Variants in FAM178B observed in about 807,000 individuals in gnomAD.
FAM178B encodes protein FAM178B.
In FAM178B, 82 loss-of-function variants were observed where a neutral mutation model predicts 91.7. The ratio of observed to expected loss-of-function variants is 0.89; its 90% CI spans 0.75 to 1.07. The LOEUF is 1.07. Ranked by LOEUF, FAM178B falls within the 50% of genes least tolerant of loss-of-function variation. The probability of loss-of-function intolerance (pLI) is 0.00; values close to 1 mark genes in which losing one functional copy is unlikely to be tolerated. For missense variants in FAM178B, 769 were observed against 846.7 expected, an observed-to-expected ratio of 0.91 and a Z score of 1.14; for synonymous variants, 368 against 359.4, an observed-to-expected ratio of 1.02 and a Z score of -0.27.
At chr2:96,977,834 C>T (rs1265320073) in intron 1 of FAM178B, 1 of 456,158 alleles carries the variant, frequency 2.2e-6, no homozygotes, top group South Asian at 1.5e-5. Flanking sequence ...TGTTCTACTC[C>T]AGCGTTGACG....
chr2:96,960,287 C>T lies in FAM178B; in HGVS notation c.887+1G>A. ...CCCTCACCCCTCCTCCCCACACTTA[C>T]CTGAGGAACAGCCCTTCCAGGTGGC... On this transcript the variant is annotated splice_donor_variant, in intron 6 of 16. Coordinates refer to ENST00000490605, the MANE Select transcript of FAM178B (RefSeq NM_001122646.3). LOFTEE classifies it high-confidence loss of function. 1.3e-6 allele frequency: 2 copies of T among 1,551,678 alleles called. No individual in the cohort carries two copies. Among genetic ancestry groups the T allele is most frequent in the Non-Finnish European group, 1.7e-6 (2 of 1,146,988 alleles).
intron 6 of FAM178B, among the ~76,000 whole-genome samples, chr2:96,959,720 A>G (rs369670013): frequency 1.3e-5 from 2 of 152,200 alleles, no homozygotes; most frequent in Admixed American, 1.3e-4. Context: ...CAAGTGTTGG[A>G]TAAGGTTGTG....
chr2:96,947,579 C>T (rs1002458958), intron 8 of FAM178B, among the ~76,000 whole-genome samples: 2 of 152,224 alleles, frequency 1.3e-5, no homozygotes, highest in African/African-American at 4.8e-5. Flanking sequence ...CCTGTGAGGT[C>T]AGCCTGGCCG....
At chr2:96,889,992 T>C (rs1388595088) in intron 14 of FAM178B, among the ~76,000 whole-genome samples, 2 of 91,474 alleles carry the variant, frequency 2.2e-5, no homozygotes, top group African/African-American at 8.4e-5. Flanking sequence ...AAAAAAAAAA[T>C]TGGCTGGGCG....
At chr2:96,886,509 G>A (rs988303723) in intron 14 of FAM178B, among the ~76,000 whole-genome samples, 3 of 152,204 alleles carry the variant, frequency 2.0e-5, no homozygotes, top group African/African-American at 4.8e-5. Flanking sequence ...AGCCTGCCTG[G>A]GAAGGCGCCA....
chr2:96,950,346 G>C (rs2081904638), intron 7 of FAM178B, among the ~76,000 whole-genome samples: 1 of 152,210 alleles, frequency 6.6e-6, no homozygotes, highest in African/African-American at 2.4e-5. Context: ...GGCTGACAAG[G>C]TTAGCAGCTA....
chr2:96,921,715 G>C (rs2081343701), intron 10 of FAM178B, 61 bp from the exon 11 acceptor site: 2 of 1,494,474 alleles, frequency 1.3e-6, no homozygotes, highest in South Asian at 1.2e-5. Flanking sequence ...AGTACTTCGA[G>C]GACCAGTTCC....
At chr2:96,945,303 A>C (rs7593493) in intron 8 of FAM178B, among the ~76,000 whole-genome samples, 118,703 of 150,076 alleles carry the variant, frequency 0.79, 47,902 homozygotes, top group African/African-American at 0.9. Flanking sequence ...GTGCCCTGGG[A>C]CACTCGGGCC....
chr2:96,900,526 T>C (rs1406506201), intron 13 of FAM178B, among the ~76,000 whole-genome samples: 1 of 151,886 alleles, frequency 6.6e-6, no homozygotes, highest in Non-Finnish European at 1.5e-5. Flanking sequence ...GGGTAGGGGA[T>C]GGAAAACACA....
chr2:96,912,931 G>A (rs1239592231), intron 12 of FAM178B, among the ~76,000 whole-genome samples: 1 of 152,220 alleles, frequency 6.6e-6, no homozygotes, highest in Non-Finnish European at 1.5e-5. Flanking sequence ...AGGGTGGGCA[G>A]GATTCAGCCA....
chr2:96,934,746 C>G (rs1314216083), intron 8 of FAM178B, among the ~76,000 whole-genome samples: 1 of 152,196 alleles, frequency 6.6e-6, no homozygotes, highest in Non-Finnish European at 1.5e-5. Context: ...TTTTCCAGAT[C>G]TGCACCCACA....
chr2:96,956,026 C>T (rs1796047), intron 6 of FAM178B, among the ~76,000 whole-genome samples: 1 of 152,018 alleles, frequency 6.6e-6, no homozygotes, highest in East Asian at 1.9e-4. Context: ...CGCTGGTCCT[C>T]GCACCAACAG....
intron 8 of FAM178B, among the ~76,000 whole-genome samples, chr2:96,936,405 A>G (rs994633582): frequency 3.7e-4 from 55 of 149,934 alleles, no homozygotes; most frequent in Non-Finnish European, 5.3e-4. Context: ...GTTTCACCAT[A>G]TTAGCCAGGA....
intron 9 of FAM178B, among the ~76,000 whole-genome samples, chr2:96,928,122 C>T (rs2081476491): frequency 6.6e-6 from 1 of 152,156 alleles, no homozygotes; most frequent in Admixed American, 6.5e-5. Context: ...CTTAGGAGAG[C>T]TCCCACTTTC....
intron 14 of FAM178B, among the ~76,000 whole-genome samples, chr2:96,889,449 C>T (rs889404405): frequency 2.6e-5 from 4 of 151,560 alleles, no homozygotes; most frequent in Admixed American, 6.6e-5. Flanking sequence ...GAGGCCGAGG[C>T]AGGTGGATCA....
At chr2:96,965,685 TA>T (rs1463928675) in intron 5 of FAM178B, among the ~76,000 whole-genome samples, 1 of 152,066 alleles carries the variant, frequency 6.6e-6, no homozygotes, top group African/African-American at 2.4e-5. Context: ...GGGCTGGTCT[TA>T]AAACTCCTGG....
At chr2:96,878,591 G>C in intron 14 of FAM178B, 98 bp from the exon 15 acceptor site, 1 of 1,135,298 alleles carries the variant, frequency 8.8e-7, no homozygotes, top group Non-Finnish European at 1.3e-6. Flanking sequence ...GGCTTGGCAG[G>C]CCAGGCAGGG....
At position 96,972,318 on chromosome 2, in the gene FAM178B, C is replaced by T; in HGVS notation, c.147G>A (p.Val49=). 2.0e-6 allele frequency: 3 copies of T among 1,466,230 alleles called. No homozygotes were observed. The highest frequency in any genetic ancestry group is 1.4e-5 in the South Asian group (1 of 70,480). 90.8% of individuals were successfully genotyped at this position (1,466,230 alleles called of 1,614,324 possible). A position where few individuals can be genotyped will look rare whatever the true frequency, so the allele number is the denominator to read the frequency against. Residue 49 remains valine (V), a synonymous_variant, in exon 3 of 17, where the codon GTG becomes GTA. Transcript: ENST00000490605. The stretch of plus-strand genomic sequence containing the variant: ...GGATGGGCACGGTGGCGGCAGCCTG[C>T]ACCCCTGCAGACAGGACAGAATACT... ...TVLALPLREG[V]QAAATVPILL... is the part of the protein sequence containing the mutation.
chr2:96,926,233 C>T (rs528338077), intron 9 of FAM178B, among the ~76,000 whole-genome samples: 14 of 152,212 alleles, frequency 9.2e-5, no homozygotes, highest in Non-Finnish European at 1.9e-4. Context: ...AACCCGGAGG[C>T]GGAGGTTGCA....
Sources: gnomAD v4.1 joint callset for allele counts (sites outside exome capture counted in the v4.1 genomes callset) on GRCh38, gnomAD v4.1.1 for gene constraint, MANE v1.5 for transcripts, NCBI Gene and HGNC (gene_info 2026-07-23, HGNC 2026-07-21) for gene names.